The following DNAAF9 variants were observed in gnomAD, a reference collection of about 807,000 sequenced individuals.
The protein encoded by DNAAF9 is dynein axonemal assembly factor 9.
A neutral mutation model predicts 167.0 loss-of-function variants in DNAAF9; 90 were observed. The observed-to-expected ratio is 0.54, with a 90% confidence interval of 0.45 to 0.64. The LOEUF (loss-of-function observed/expected upper bound fraction) is 0.64, where lower values mean the gene tolerates loss of function less well. DNAAF9 is among the 30% of genes least tolerant of loss of function. The pLI is 0.00. For synonymous variants in DNAAF9, 491 were observed against 508.8 expected (o/e 0.96, Z 0.47); for missense variants, 1,315 against 1,442.2 (o/e 0.91, Z 1.43).
At chr20:3,334,943 C>T (rs1243000832) in intron 10 of DNAAF9, among the ~76,000 whole-genome samples, 3 of 152,202 alleles carry the variant, frequency 2.0e-5, no homozygotes, top group Non-Finnish European at 4.4e-5. Context: ...TCATGACTAT[C>T]CCTTCATCTA....
Position 3,259,572 on chromosome 20 carries a change from C to T in DNAAF9, c.2981-18G>A. 6.3e-7 allele frequency: 1 copy of T among 1,581,688 alleles called. No homozygotes were observed. The highest frequency in any genetic ancestry group is 8.7e-7 in the Non-Finnish European group (1 of 1,150,494). ...CTGAATTGCTGGTGGAAGAAGAGGA[C>T]AGCGCTGTCACCCACATGGAGGCAC... On this transcript the variant is annotated intron_variant, in intron 32 of 36. Transcript: ENST00000252032.
intron 10 of DNAAF9, among the ~76,000 whole-genome samples, chr20:3,334,905 A>T (rs1189717656): frequency 2.0e-5 from 3 of 152,232 alleles, no homozygotes; most frequent in Non-Finnish European, 2.9e-5. Flanking sequence ...TGGAGTTTTC[A>T]AGTCTATGAG....
At chr20:3,334,379 G>A (rs1358209170) in intron 10 of DNAAF9, among the ~76,000 whole-genome samples, 3 of 152,148 alleles carry the variant, frequency 2.0e-5, no homozygotes, top group Admixed American at 1.3e-4. Context: ...TGTCCACTCA[G>A]TACAGACATC....
intron 31 of DNAAF9, among the ~76,000 whole-genome samples, chr20:3,262,129 T>C (rs903979507): frequency 1.3e-5 from 2 of 152,092 alleles, no homozygotes; most frequent in Non-Finnish European, 2.9e-5. Context: ...TTGTTAAAGA[T>C]GAAATTATCT....
At chr20:3,300,829 C>G (rs117186334) in intron 21 of DNAAF9, among the ~76,000 whole-genome samples, 9,342 of 149,830 alleles carry the variant, frequency 0.062, 375 homozygotes, top group Non-Finnish European at 0.082. Flanking sequence ...CAGGCTTGAG[C>G]CACTGCATCC....
chr20:3,261,556 T>G (rs1190671057), intron 31 of DNAAF9, among the ~76,000 whole-genome samples: 7 of 149,672 alleles, frequency 4.7e-5, no homozygotes, highest in African/African-American at 1.7e-4. Flanking sequence ...TTAATAGAGA[T>G]GGGGTTTCAC....
At chr20:3,350,164 C>CACACAG (rs2070292411) in intron 7 of DNAAF9, among the ~76,000 whole-genome samples, 1 of 150,724 alleles carries the variant, frequency 6.6e-6, no homozygotes, top group South Asian at 2.1e-4. Context: ...CAGACACACA[C>CACACAG]ACACACACAC....
Position 3,394,942 on chromosome 20 carries a change from C to CTTTTTTT in DNAAF9, c.84-12437_84-12436insAAAAAAA, listed in dbSNP as rs1258382355. Among the ~76,000 whole-genome samples the CTTTTTTT allele has an allele frequency of 2.6e-3, 235 of 89,008 alleles. 26 individuals carry two copies. The highest frequency in any genetic ancestry group is 3.8e-3 in the Non-Finnish European group (164 of 42,850). The allele number at this position is 89,008 out of a possible 152,430, so 58.4% of individuals were successfully genotyped here. A position where few individuals can be genotyped will look rare whatever the true frequency, so the allele number is the denominator to read the frequency against. On this transcript the variant is annotated intron_variant, in intron 1 of 36. Coordinates refer to ENST00000252032, the MANE Select transcript of DNAAF9 (RefSeq NM_001009984.3). ...TTCCATGGCTTTTACTGAACATTTT[C>CTTTTTTT]TTTTTTCTTTTTTTTTTTTTTTTTT...
At position 3,368,550 on chromosome 20, in the gene DNAAF9, T is replaced by A. The variant is rs553403099; in HGVS notation, c.612+5498A>T. Among the ~76,000 whole-genome samples the A allele has an allele frequency of 1.1e-3, 164 of 149,846 alleles. 1 individual carries two copies. Among genetic ancestry groups the A allele is most frequent in the Middle Eastern group, 6.8e-3 (2 of 294 alleles). ...TTTTTTGAGACAGAGTCTTGCTCTTTCGCCCAGGCTGGAGTGCAGTGGCAT... is the reference window on the plus strand; with the variant it reads ...TTTTTTGAGACAGAGTCTTGCTCTTACGCCCAGGCTGGAGTGCAGTGGCAT... On this transcript the variant is annotated intron_variant, in intron 6 of 36. Transcript: ENST00000252032.
At chr20:3,403,933 G>A (rs76380089) in intron 1 of DNAAF9, among the ~76,000 whole-genome samples, 2,675 of 152,020 alleles carry the variant, frequency 0.018, 81 homozygotes, top group African/African-American at 0.061. Context: ...ACCTACAGGT[G>A]ACTGGCTTCA....
intron 25 of DNAAF9, among the ~76,000 whole-genome samples, 170 bp downstream of exon 25, chr20:3,293,969 T>C (rs2122932254): frequency 6.8e-6 from 1 of 147,220 alleles, no homozygotes; most frequent in African/African-American, 2.6e-5. Context: ...ACAGTCATTG[T>C]ATACAGCAGG....
chr20:3,386,920 C>T (rs2083748749), intron 1 of DNAAF9, among the ~76,000 whole-genome samples: 1 of 152,106 alleles, frequency 6.6e-6, no homozygotes, highest in African/African-American at 2.4e-5. Context: ...ATTACTATAC[C>T]TCTATTAGAA....
intron 9 of DNAAF9, 85 bp from the exon 10 acceptor site, chr20:3,340,724 T>C: frequency 1.6e-6 from 2 of 1,266,968 alleles, no homozygotes; most frequent in Non-Finnish European, 2.3e-6. Context: ...TCCTCAGGCT[T>C]TTCTGAGGGA....
rs148456566 is a variant in DNAAF9, at chr20:3,375,334, T to C, written c.409-208A>G. On this transcript the variant is annotated intron_variant, in intron 4 of 36. Transcript: ENST00000252032. Reference sequence around the variant, plus strand: ...TTTCATATTATACCCAAAAATCAACTGAAATGGATCAGGAAACCTAAATGC... The same window carrying C: ...TTTCATATTATACCCAAAAATCAACCGAAATGGATCAGGAAACCTAAATGC... Among the ~76,000 whole-genome samples, 474 of 152,248 alleles carry C rather than the reference T, an allele frequency of 3.1e-3. 4 individuals carry two copies. The highest frequency in any genetic ancestry group is 0.011 in the African/African-American group (439 of 41,550).
In DNAAF9 at chr20:3,376,187, G is replaced by A. The variant is rs752071483; in HGVS notation, c.399C>T (p.Thr133=). Residue 133 remains threonine (T), a synonymous_variant, in exon 4 of 37, where the codon ACC becomes ACT. Transcript: ENST00000252032. The part of the protein sequence containing the change: ...HWRNLHFHCM[T]ENEYEDEEAA... ...TCTCTTTTCTTCTTACCTCATTTTC[G>A]GTCATGCAGTGGAAATGCAGATTTC... 2.5e-5 allele frequency: 40 copies of A among 1,612,172 alleles called. No homozygotes were observed. The highest frequency in any genetic ancestry group is 1.4e-4 in the South Asian group (13 of 90,552).
chr20:3,377,919 G>A (rs1339433973), intron 3 of DNAAF9, among the ~76,000 whole-genome samples: 1 of 152,136 alleles, frequency 6.6e-6, no homozygotes, highest in Non-Finnish European at 1.5e-5. Context: ...CCATTCAATT[G>A]GTTGGAGGGC....
chr20:3,264,400 CA>C, intron 31 of DNAAF9, 37 bp downstream of exon 31: 1 of 896,490 alleles, frequency 1.1e-6, no homozygotes, highest in South Asian at 1.4e-5. Flanking sequence ...ATTGGGTTTA[CA>C]AAAAAATCTT....
chr20:3,326,359 A>T, intron 12 of DNAAF9, 75 bp from the exon 13 acceptor site: 1 of 971,144 alleles, frequency 1.0e-6, no homozygotes. Context: ...CACATAAATG[A>T]CAGCCCCTAA....
Position 3,323,136 on chromosome 20 carries a change from A to T in DNAAF9, c.1266-440T>A, listed in dbSNP as rs554375434. 1.3e-5 allele frequency among the ~76,000 whole-genome samples: 2 copies of T among 150,060 alleles called. 1 individual carries two copies. Among genetic ancestry groups the T allele is most frequent in the African/African-American group, 4.9e-5 (2 of 40,710 alleles). The stretch of plus-strand genomic sequence containing the variant: ...CTTTCAGCTTACTCTAACTTGTGTA[A>T]GTGTAATCTCTTGCATTAACACATA... On this transcript the variant is annotated intron_variant, in intron 14 of 36. Transcript: ENST00000252032.
Sources: gnomAD v4.1 joint callset for allele counts (sites outside exome capture counted in the v4.1 genomes callset) on GRCh38, gnomAD v4.1.1 for gene constraint, MANE v1.5 for transcripts, NCBI Gene and HGNC (gene_info 2026-07-23, HGNC 2026-07-21) for gene names.